The following ELF2 variants were observed in gnomAD, a reference collection of about 807,000 sequenced individuals.
ELF2 encodes E74 like ETS transcription factor 2, also known as ETS-related transcription factor Elf-2.
Under a neutral mutation model 54.8 loss-of-function variants are expected in ELF2, and 11 were observed. The ratio of observed to expected loss-of-function variants is 0.20; its 90% CI spans 0.13 to 0.33. The LOEUF (loss-of-function observed/expected upper bound fraction) is 0.33, where lower values mean the gene tolerates loss of function less well. Ranked by LOEUF, ELF2 falls within the 10% of genes least tolerant of loss-of-function variation. The pLI is 1.00. For missense variants in ELF2, 513 were observed against 703.0 expected, an observed-to-expected ratio of 0.73 and a Z score of 3.06; for synonymous variants, 203 against 245.1, an observed-to-expected ratio of 0.83 and a Z score of 1.61.
At chr4:139,166,597 G>A (rs558697874) in intron 1 of ELF2, among the ~76,000 whole-genome samples, 50 of 152,188 alleles carry the variant, frequency 3.3e-4, no homozygotes, top group African/African-American at 1.2e-3. Context: ...GGCCGGGCAC[G>A]GTGGCTCACG....
At chr4:139,101,457 TC>T (rs759141746) in intron 4 of ELF2, 7 of 152,256 alleles carry the variant, frequency 4.6e-5, no homozygotes, top group African/African-American at 7.2e-5. Flanking sequence ...AGTTCTGTTT[TC>T]CCTAAGACTA....
chr4:139,175,245 CAA>C (rs768888134), intron 1 of ELF2, among the ~76,000 whole-genome samples: 20 of 152,234 alleles, frequency 1.3e-4, no homozygotes, highest in Non-Finnish European at 2.5e-4. Context: ...AGAAAAATCC[CAA>C]AGTTACAAAT....
intron 1 of ELF2, 22 bp from the exon 2 acceptor site, chr4:139,139,519 A>G (rs1326055071): frequency 8.6e-7 from 1 of 1,160,066 alleles, no homozygotes; most frequent in Non-Finnish European, 1.1e-6. Context: ...AGGGGAAAAA[A>G]GATAATATTA....
At chr4:139,084,591 G>GCTCC in intron 4 of ELF2, 1 of 215,098 alleles carries the variant, frequency 4.6e-6, no homozygotes, top group Non-Finnish European at 8.1e-6. Flanking sequence ...CTGGGAAACG[G>GCTCC]CTCCGGGAGC....
chr4:139,118,566 G>C lies in ELF2; in HGVS notation c.238+6598C>G, dbSNP rs571772154. Among the ~76,000 whole-genome samples the C allele has an allele frequency of 2.4e-3, 367 of 152,244 alleles. 1 individual carries two copies. The highest frequency in any genetic ancestry group is 8.4e-3 in the African/African-American group (347 of 41,540). ...CTATGGGTCACTGAATTTGACAGAAGAGTGGCCACCGAAATCTGATAAAGA... is the reference window on the plus strand; with the variant it reads ...CTATGGGTCACTGAATTTGACAGAACAGTGGCCACCGAAATCTGATAAAGA... On this transcript the variant is annotated intron_variant, in intron 4 of 9. Coordinates refer to ENST00000686138, the MANE Select transcript of ELF2 (RefSeq NM_001331036.3).
chr4:139,078,574 CTTT>C (rs35529764), intron 4 of ELF2, among the ~76,000 whole-genome samples: 28 of 135,516 alleles, frequency 2.1e-4, no homozygotes, highest in Admixed American at 3.0e-4. Context: ...AATGGCAATT[CTTT>C]TTTTTTTTTT....
intron 4 of ELF2, chr4:139,117,953 C>CAA (rs60424237): frequency 0.021 from 3,095 of 145,594 alleles, 71 homozygotes; most frequent in African/African-American, 0.059. Flanking sequence ...GATTCCACCT[C>CAA]AAAAAAAAAA....
intron 4 of ELF2, chr4:139,116,606 T>C (rs1040675002): frequency 1.1e-6 from 1 of 894,330 alleles, no homozygotes; most frequent in African/African-American, 1.8e-5. Flanking sequence ...TTTAATGAAA[T>C]ATAAAATTAC....
intron 4 of ELF2, among the ~76,000 whole-genome samples, chr4:139,083,693 C>T (rs566954866): frequency 6.6e-6 from 1 of 152,352 alleles, no homozygotes; most frequent in Non-Finnish European, 1.5e-5. Context: ...CCGCCGCCCC[C>T]GAACGCGGGC....
chr4:139,134,949 G>C (rs954084155), intron 3 of ELF2, among the ~76,000 whole-genome samples: 2 of 151,522 alleles, frequency 1.3e-5, no homozygotes, highest in African/African-American at 4.9e-5. Context: ...TTACTATTTT[G>C]AAAAATAATT....
rs1578643332 is a variant in ELF2 at position 139,058,389 on chromosome 4, T to C, written c.*594A>G. The C allele has an allele frequency of 7.6e-6, 1 of 131,846 alleles. No homozygotes were observed. Among genetic ancestry groups the C allele is most frequent in the African/African-American group, 2.8e-5 (1 of 35,554 alleles). 8.2% of individuals were successfully genotyped at this position (131,846 alleles called of 1,614,324 possible). ...TTGTTTTAAATCAGCTTAAGCTATA[T>C]GATATATATATATGTATGTATATAT... On this transcript the variant is annotated 3_prime_UTR_variant, in exon 10 of 10. Coordinates refer to ENST00000686138, the MANE Select transcript of ELF2 (RefSeq NM_001331036.3).
At chr4:139,119,304 A>G (rs1428092293) in intron 4 of ELF2, among the ~76,000 whole-genome samples, 1 of 152,144 alleles carries the variant, frequency 6.6e-6, no homozygotes, top group Non-Finnish European at 1.5e-5. Flanking sequence ...TTTCTTTACT[A>G]AGCTTTAGTT....
intron 4 of ELF2, among the ~76,000 whole-genome samples, chr4:139,112,001 T>C (rs1053620775): frequency 6.6e-6 from 1 of 152,194 alleles, no homozygotes; most frequent in Admixed American, 6.5e-5. Flanking sequence ...AAAACTAAAT[T>C]TGTATTTTTC....
chr4:139,131,603 A>T (rs752544063), intron 3 of ELF2, among the ~76,000 whole-genome samples: 5 of 152,206 alleles, frequency 3.3e-5, no homozygotes, highest in Non-Finnish European at 5.9e-5. Context: ...AGGTAGAGTA[A>T]GGTTACCTTA....
chr4:139,093,182 G>A (rs898505432), intron 4 of ELF2, among the ~76,000 whole-genome samples: 1 of 151,984 alleles, frequency 6.6e-6, no homozygotes, highest in African/African-American at 2.4e-5. Context: ...AGCCAGGATG[G>A]TTTCGATCTC....
chr4:139,100,555 TGGAAACAG>T (rs1438419928), intron 4 of ELF2: 1 of 152,252 alleles, frequency 6.6e-6, no homozygotes, highest in Non-Finnish European at 1.5e-5. Flanking sequence ...CAGACCAGCC[TGGAAACAG>T]AGCAAGTCAA....
At chr4:139,063,117 G>C (rs181184491) in intron 7 of ELF2, among the ~76,000 whole-genome samples, 1 of 152,086 alleles carries the variant, frequency 6.6e-6, no homozygotes, top group African/African-American at 2.4e-5. Flanking sequence ...ATTTAGCTGC[G>C]CATGGTGGCG....
chr4:139,131,053 G>A (rs1273474246), intron 3 of ELF2, among the ~76,000 whole-genome samples: 1 of 152,132 alleles, frequency 6.6e-6, no homozygotes, highest in Admixed American at 6.6e-5. Context: ...CATGTACAAG[G>A]TTATTTTACT....
At chr4:139,084,459 C>T (rs1484439416) in intron 4 of ELF2, 2 of 1,150,612 alleles carry the variant, frequency 1.7e-6, no homozygotes, top group South Asian at 3.6e-5. Flanking sequence ...GCGGCGGCGG[C>T]GGCTGTGGCT....
Sources: allele counts gnomAD v4.1 joint callset (sites outside exome capture counted in the v4.1 genomes callset), GRCh38; gene constraint gnomAD v4.1.1; transcripts MANE v1.5; gene names NCBI Gene and HGNC (gene_info 2026-07-23, HGNC 2026-07-21).